The following COL5A2 variants were observed in gnomAD, a reference collection of about 807,000 sequenced individuals.
The protein encoded by COL5A2 is collagen type V alpha 2 chain, also known as collagen alpha-2(V) chain.
A neutral mutation model predicts 208.2 loss-of-function variants in COL5A2; 23 were observed. The ratio of observed to expected loss-of-function variants is 0.11; its 90% CI spans 0.08 to 0.16. The LOEUF is 0.16. Ranked by LOEUF, COL5A2 falls within the 10% of genes least tolerant of loss-of-function variation. The pLI, the probability that COL5A2 is intolerant of heterozygous loss-of-function variation, is 1.00. For synonymous variants in COL5A2, 625 were observed against 628.5 expected, an observed-to-expected ratio of 0.99 and a Z score of 0.08; for missense variants, 1,590 against 1,956.4, an observed-to-expected ratio of 0.81 and a Z score of 3.53.
chr2:189,032,089 T>C lies in COL5A2; in HGVS notation c.*1981A>G, dbSNP rs888228880. 3 of 152,176 alleles carry C rather than the reference T, an allele frequency of 2.0e-5. No individual in the cohort carries two copies. Among genetic ancestry groups the C allele is most frequent in the Non-Finnish European group, 2.9e-5 (2 of 68,018 alleles). 9.4% of individuals were successfully genotyped at this position (152,176 alleles called of 1,614,324 possible). A position where few individuals can be genotyped will look rare whatever the true frequency, so the allele number is the denominator to read the frequency against. ...AAACTCACACATGTATTTAGGCATA[T>C]AAATACTCAAATTTAAGATATACAG... On this transcript the variant is annotated 3_prime_UTR_variant, in exon 54 of 54. Coordinates refer to ENST00000374866, the MANE Select transcript of COL5A2 (RefSeq NM_000393.5).
chr2:189,057,903 A>G (rs763042627), intron 33 of COL5A2, among the ~76,000 whole-genome samples: 5 of 152,192 alleles, frequency 3.3e-5, no homozygotes, highest in South Asian at 2.1e-4. Context: ...TGACCATGAA[A>G]AATTCTACTT....
At chr2:189,245,942 T>C in the COL5A2 span, among the ~76,000 whole-genome samples, 5 of 152,188 alleles carry the variant, frequency 3.3e-5, no homozygotes, top group African/African-American at 1.2e-4. Flanking sequence ...TCACAGCTAA[T>C]ATTGTGGAAG....
the COL5A2 span, among the ~76,000 whole-genome samples, chr2:189,402,033 G>C: frequency 1.3e-5 from 2 of 151,846 alleles, no homozygotes; most frequent in African/African-American, 4.8e-5. Context: ...TCATTCTGTT[G>C]CTGGTTACTT....
At chr2:189,227,542 G>C (rs1689436256), upstream of COL5A2, among the ~76,000 whole-genome samples, 1 of 151,904 alleles carries the variant, frequency 6.6e-6, no homozygotes, top group African/African-American at 2.4e-5. Context: ...GACGTAATCG[G>C]TAATCAAAAC....
intron 50 of COL5A2, 47 bp downstream of exon 50, chr2:189,041,539 C>T: frequency 7.1e-7 from 1 of 1,402,094 alleles, no homozygotes; most frequent in Non-Finnish European, 1.0e-6. Context: ...GGAATCTGAG[C>T]TATTGAATAA....
Position 189,070,541 on chromosome 2 carries a change from A to C in COL5A2, c.1158+1499T>G, listed in dbSNP as rs146598369. Among the ~76,000 whole-genome samples, 7 of 152,324 alleles carry C rather than the reference A, an allele frequency of 4.6e-5. No individual in the cohort carries two copies. In the East Asian group the frequency reaches 1.4e-3, roughly 29 times the overall value. ...ATTTGAGTTTTATTGAGCAGTTTTC[A>C]GTAGCCAACAACCAGTACCACAAAC... On this transcript the variant is annotated intron_variant, in intron 18 of 53. Transcript: ENST00000374866.
intron 1 of COL5A2, among the ~76,000 whole-genome samples, chr2:189,189,470 G>C (rs988591843): frequency 6.6e-6 from 1 of 152,080 alleles, no homozygotes; most frequent in Non-Finnish European, 1.5e-5. Context: ...AATCACCTGA[G>C]GCCAGGAGTT....
At chr2:189,049,225 T>C (rs1685731967) in intron 44 of COL5A2, 122 bp downstream of exon 44, 5 of 742,464 alleles carry the variant, frequency 6.7e-6, no homozygotes, top group Non-Finnish European at 1.2e-5. Flanking sequence ...TCAAATAACA[T>C]TACTAAGAAA....
chr2:189,045,735 A>G (rs1685652381), intron 46 of COL5A2, 65 bp downstream of exon 46: 1 of 1,247,968 alleles, frequency 8.0e-7, no homozygotes, highest in South Asian at 1.2e-5. Flanking sequence ...GTGTGCCTAT[A>G]TGCAGCTTAT....
At position 189,032,522 on chromosome 2, in the gene COL5A2, C is replaced by T. The variant is rs1194984678; in HGVS notation, c.*1548G>A. The T allele has an allele frequency of 6.6e-6, 1 of 152,064 alleles. No homozygotes were observed. Among genetic ancestry groups the T allele is most frequent in the African/African-American group, 2.4e-5 (1 of 41,410 alleles). The allele number at this position is 152,064 out of a possible 1,614,324, so 9.4% of individuals were successfully genotyped here. On this transcript the variant is annotated 3_prime_UTR_variant, in exon 54 of 54. Coordinates refer to ENST00000374866, the MANE Select transcript of COL5A2 (RefSeq NM_000393.5). ...CACAAAACAAAAACCACTGACATGA[C>T]AAAAGCGTGCATTTAATTTGATGCT...
the COL5A2 span, among the ~76,000 whole-genome samples, chr2:189,439,396 T>C: frequency 2.0e-5 from 3 of 152,224 alleles, no homozygotes; most frequent in South Asian, 2.1e-4. Context: ...CTTCTGTATA[T>C]AGGCTATGCT....
intron 16 of COL5A2, 149 bp from the exon 17 acceptor site, chr2:189,075,586 T>C: frequency 1.6e-6 from 1 of 633,392 alleles, no homozygotes. Context: ...TTAATAGCAA[T>C]ATAAATACAT....
chr2:189,425,470 AT>A, the COL5A2 span, among the ~76,000 whole-genome samples: 3 of 152,232 alleles, frequency 2.0e-5, no homozygotes, highest in Non-Finnish European at 2.9e-5. Flanking sequence ...GATGAATAGA[AT>A]TTTTTAAAGT....
intron 25 of COL5A2, 126 bp from the exon 26 acceptor site, chr2:189,064,159 T>C (rs567276647): frequency 2.6e-6 from 2 of 776,586 alleles, no homozygotes; most frequent in South Asian, 3.4e-5. Context: ...ATCAAATAAA[T>C]TTTTAAGTGA....
the COL5A2 span, among the ~76,000 whole-genome samples, chr2:189,355,619 T>C: frequency 6.6e-6 from 1 of 152,180 alleles, no homozygotes; most frequent in African/African-American, 2.4e-5. Flanking sequence ...TTTTCTTGGT[T>C]TCCATTTGCT....
the COL5A2 span, among the ~76,000 whole-genome samples, chr2:189,331,931 C>T: frequency 7.4e-6 from 1 of 135,100 alleles, no homozygotes; most frequent in African/African-American, 2.8e-5. Context: ...GCCTGGGCGA[C>T]AGAGCAAGAC....
chr2:189,215,636 G>C (rs915324877), intron 1 of COL5A2, among the ~76,000 whole-genome samples: 1 of 151,774 alleles, frequency 6.6e-6, no homozygotes, highest in African/African-American at 2.4e-5. Flanking sequence ...CTTTTGGGCA[G>C]TGCTATTCTG....
the COL5A2 span, among the ~76,000 whole-genome samples, chr2:189,414,014 A>G: frequency 5.6e-3 from 844 of 151,496 alleles, 12 homozygotes; most frequent in African/African-American, 0.019. Flanking sequence ...CTGGTCTGGA[A>G]CTCCTAACCT....
chr2:189,373,808 G>A, the COL5A2 span, among the ~76,000 whole-genome samples: 1 of 152,148 alleles, frequency 6.6e-6, no homozygotes, highest in Admixed American at 6.5e-5. Context: ...TAAAGAATGA[G>A]GAAAAGGAGA....
Sources: allele counts gnomAD v4.1 joint callset (sites outside exome capture counted in the v4.1 genomes callset), GRCh38; gene constraint gnomAD v4.1.1; transcripts MANE v1.5; gene names NCBI Gene and HGNC (gene_info 2026-07-23, HGNC 2026-07-21).